Variants in CACHD1 observed in about 807,000 individuals in gnomAD.
The protein encoded by CACHD1 is cache domain containing 1, also known as VWFA and cache domain-containing protein 1.
Under a neutral mutation model 138.7 loss-of-function variants are expected in CACHD1, and 71 were observed. The ratio of observed to expected loss-of-function variants is 0.51; its 90% CI spans 0.42 to 0.62. The LOEUF is 0.62. Among genes scored for constraint, CACHD1 ranks in the 20% least tolerant of loss-of-function variants. CACHD1 has a pLI of 0.00. For synonymous variants in CACHD1, 578 were observed against 591.5 expected, an observed-to-expected ratio of 0.98 and a Z score of 0.33; for missense variants, 1,389 against 1,625.3, an observed-to-expected ratio of 0.85 and a Z score of 2.50.
intron 1 of CACHD1, among the ~76,000 whole-genome samples, chr1:64,541,022 A>G (rs1362272572): frequency 1.3e-5 from 2 of 152,230 alleles, no homozygotes; most frequent in African/African-American, 2.4e-5. Flanking sequence ...GCACACGCAC[A>G]TACGAATACT....
intron 4 of CACHD1, among the ~76,000 whole-genome samples, chr1:64,607,717 G>A (rs989439488): frequency 6.6e-5 from 10 of 152,282 alleles, no homozygotes; most frequent in African/African-American, 2.4e-4. Flanking sequence ...TTCATTCATA[G>A]CAAGAAGAGG....
intron 7 of CACHD1, among the ~76,000 whole-genome samples, chr1:64,635,943 C>T (rs1648510852): frequency 6.6e-6 from 1 of 151,616 alleles, no homozygotes; most frequent in African/African-American, 2.4e-5. Context: ...AACCTCATCT[C>T]CACTAAAAAT....
chr1:64,673,786 C>T (rs1393891131), intron 19 of CACHD1, among the ~76,000 whole-genome samples: 1 of 152,228 alleles, frequency 6.6e-6, no homozygotes, highest in African/African-American at 2.4e-5. Context: ...ATATATGTGG[C>T]ACCATGTGTT....
chr1:64,637,050 T>C (rs1223109066), intron 7 of CACHD1, among the ~76,000 whole-genome samples: 1 of 152,176 alleles, frequency 6.6e-6, no homozygotes, highest in African/African-American at 2.4e-5. Flanking sequence ...GTAAGGTCAG[T>C]TAACAAGGCT....
chr1:64,552,773 C>G (rs1325252398), intron 2 of CACHD1, among the ~76,000 whole-genome samples: 1 of 152,134 alleles, frequency 6.6e-6, no homozygotes, highest in Non-Finnish European at 1.5e-5. Context: ...GCCACTGTGC[C>G]CAGCCTATTA....
intron 1 of CACHD1, among the ~76,000 whole-genome samples, chr1:64,492,545 A>T: frequency 6.6e-6 from 1 of 150,928 alleles, no homozygotes; most frequent in Non-Finnish European, 1.5e-5. Context: ...TGCTCATCAC[A>T]TTCCTTCTTG....
chr1:64,597,545 T>G (rs1019580410), intron 3 of CACHD1, among the ~76,000 whole-genome samples: 49 of 149,442 alleles, frequency 3.3e-4, no homozygotes, highest in Admixed American at 1.1e-3. Flanking sequence ...TTTTTTTTTT[T>G]TTTTTAACTT....
intron 1 of CACHD1, among the ~76,000 whole-genome samples, chr1:64,541,208 A>G (rs578221826): frequency 6.6e-6 from 1 of 152,370 alleles, no homozygotes; most frequent in East Asian, 1.9e-4. Context: ...AGGCTAGTGG[A>G]TGGATACACA....
intron 1 of CACHD1, among the ~76,000 whole-genome samples, chr1:64,519,366 CAG>C (rs1322801578): frequency 6.6e-6 from 1 of 152,120 alleles, no homozygotes; most frequent in Non-Finnish European, 1.5e-5. Context: ...AGAGGCACAA[CAG>C]ATACCATAAG....
At chr1:64,686,965 TATA>T (rs1196942602) in intron 26 of CACHD1, among the ~76,000 whole-genome samples, 1 of 152,198 alleles carries the variant, frequency 6.6e-6, no homozygotes, top group African/African-American at 2.4e-5. Context: ...TCACACCCCT[TATA>T]ATCAAACAAA....
intron 1 of CACHD1, among the ~76,000 whole-genome samples, chr1:64,521,355 A>G (rs1232916054): frequency 1.3e-5 from 2 of 152,224 alleles, no homozygotes; most frequent in Non-Finnish European, 2.9e-5. Context: ...GCCCTGGCCA[A>G]AGAAAACTCT....
At chr1:64,566,174 T>C (rs1349015560) in intron 2 of CACHD1, among the ~76,000 whole-genome samples, 1 of 152,194 alleles carries the variant, frequency 6.6e-6, no homozygotes, top group Admixed American at 6.5e-5. Context: ...TATGTATTTA[T>C]GTTTTTCATT....
At chr1:64,537,786 T>C (rs6588096) in intron 1 of CACHD1, among the ~76,000 whole-genome samples, 1 of 152,004 alleles carries the variant, frequency 6.6e-6, no homozygotes, top group African/African-American at 2.4e-5. Flanking sequence ...TGCTATACTT[T>C]CATTGAGCCT....
chr1:64,650,438 T>C (rs1478100727), intron 9 of CACHD1, among the ~76,000 whole-genome samples: 2 of 152,168 alleles, frequency 1.3e-5, no homozygotes, highest in Non-Finnish European at 1.5e-5. Context: ...GGAAAAACCT[T>C]CTCCAAAATG....
chr1:64,602,223 A>G (rs1484779097), intron 3 of CACHD1, among the ~76,000 whole-genome samples: 1 of 152,192 alleles, frequency 6.6e-6, no homozygotes, highest in Non-Finnish European at 1.5e-5. Context: ...ACTTCCATAC[A>G]TTATTTTTAA....
intron 3 of CACHD1, among the ~76,000 whole-genome samples, chr1:64,587,693 A>G (rs1039399991): frequency 6.6e-6 from 1 of 152,218 alleles, no homozygotes; most frequent in African/African-American, 2.4e-5. Context: ...ACTTAAAACA[A>G]CATAGTTTTG....
At chr1:64,590,034 G>A (rs777762135) in intron 3 of CACHD1, among the ~76,000 whole-genome samples, 3 of 152,174 alleles carry the variant, frequency 2.0e-5, no homozygotes, top group Non-Finnish European at 4.4e-5. Flanking sequence ...TCAGCCGGGC[G>A]CAGTGGCTCA....
chr1:64,583,406 C>G (rs1647027447), intron 3 of CACHD1, among the ~76,000 whole-genome samples: 1 of 152,186 alleles, frequency 6.6e-6, no homozygotes, highest in Non-Finnish European at 1.5e-5. Context: ...CCCACATGGT[C>G]TTTGGATATT....
intron 1 of CACHD1, among the ~76,000 whole-genome samples, chr1:64,487,009 T>C (rs1570297748): frequency 6.6e-6 from 1 of 152,190 alleles, no homozygotes; most frequent in African/African-American, 2.4e-5. Flanking sequence ...GAATAAAGCA[T>C]ACAGAGACCT....
Sources: gnomAD v4.1 joint callset for allele counts (sites outside exome capture counted in the v4.1 genomes callset) on GRCh38, gnomAD v4.1.1 for gene constraint, MANE v1.5 for transcripts, NCBI Gene and HGNC (gene_info 2026-07-23, HGNC 2026-07-21) for gene names.